Variants in PARD3B observed in about 807,000 individuals in gnomAD.
The protein encoded by PARD3B is partitioning defective 3 homolog B.
Under a neutral mutation model 130.2 loss-of-function variants are expected in PARD3B, and 103 were observed. The ratio of observed to expected loss-of-function variants is 0.79; its 90% CI spans 0.67 to 0.93. The LOEUF (loss-of-function observed/expected upper bound fraction) is 0.93. Among genes scored for constraint, PARD3B ranks in the 40% least tolerant of loss-of-function variants. PARD3B has a pLI of 0.00. For synonymous variants in PARD3B, 583 were observed against 553.2 expected, an observed-to-expected ratio of 1.05 and a Z score of -0.76; for missense variants, 1,609 against 1,499.2, an observed-to-expected ratio of 1.07 and a Z score of -1.21.
chr2:205,487,388 C>A (rs150002877), intron 20 of PARD3B, among the ~76,000 whole-genome samples: 1 of 152,160 alleles, frequency 6.6e-6, no homozygotes, highest in East Asian at 1.9e-4. Context: ...AATCTACTGA[C>A]GTTTTGTTAT....
intron 20 of PARD3B, among the ~76,000 whole-genome samples, chr2:205,477,340 T>C (rs1025679739): frequency 3.3e-5 from 5 of 152,188 alleles, no homozygotes; most frequent in Non-Finnish European, 7.3e-5. Context: ...GAAGCATTCC[T>C]CCTGAATTTT....
Position 205,569,510 on chromosome 2 carries a change from A to G in PARD3B, c.3260+16107A>G, listed in dbSNP as rs575931510. 2.6e-5 allele frequency among the ~76,000 whole-genome samples: 4 copies of G among 152,324 alleles called. No individual in the cohort carries two copies. In the East Asian group the frequency reaches 7.7e-4, roughly 29 times the overall value. ...TTTGAACATCCATGTCATTTTAAGT[A>G]GTAATGTGATTTTGTAATATAGTTT... On this transcript the variant is annotated intron_variant, in intron 22 of 22. Transcript: ENST00000406610.
At chr2:205,249,155 A>ATAAGGAAAATCATAAT (rs1159330167) in intron 16 of PARD3B, among the ~76,000 whole-genome samples, 2 of 148,984 alleles carry the variant, frequency 1.3e-5, no homozygotes, top group Non-Finnish European at 3.0e-5. Flanking sequence ...GATTACAGGC[A>ATAAGGAAAATCATAAT]TGTGTGTGGT....
At chr2:205,285,951 G>A (rs1207420) in intron 16 of PARD3B, among the ~76,000 whole-genome samples, 127,295 of 152,052 alleles carry the variant, frequency 0.84, 53,517 homozygotes, top group South Asian at 0.9. Flanking sequence ...AACATATTAC[G>A]TGTATATAGA....
chr2:204,844,370 G>T (rs879535191), intron 2 of PARD3B, among the ~76,000 whole-genome samples: 1 of 152,036 alleles, frequency 6.6e-6, no homozygotes, highest in African/African-American at 2.4e-5. Context: ...GCCATTTAAA[G>T]TTGATTAGCA....
At chr2:205,126,014 T>C (rs1329324683) in intron 10 of PARD3B, among the ~76,000 whole-genome samples, 1 of 152,172 alleles carries the variant, frequency 6.6e-6, no homozygotes, top group East Asian at 1.9e-4. Context: ...ATAAAATATA[T>C]ATTGAATATG....
At chr2:205,567,497 TA>T (rs1559224791) in intron 22 of PARD3B, among the ~76,000 whole-genome samples, 5 of 140,344 alleles carry the variant, frequency 3.6e-5, no homozygotes, top group Admixed American at 7.1e-5. Context: ...TTTTTTTTTG[TA>T]TTTTTAGTGG....
chr2:204,775,460 T>C (rs1346929023), intron 2 of PARD3B, among the ~76,000 whole-genome samples: 1 of 152,166 alleles, frequency 6.6e-6, no homozygotes, highest in Non-Finnish European at 1.5e-5. Context: ...GTGAATCCTC[T>C]TAATCCTATT....
intron 19 of PARD3B, among the ~76,000 whole-genome samples, chr2:205,434,818 G>A (rs1277760686): frequency 6.6e-6 from 1 of 151,524 alleles, no homozygotes; most frequent in African/African-American, 2.4e-5. Context: ...TTTGGTACAG[G>A]GTATTTAATG....
intron 1 of PARD3B, among the ~76,000 whole-genome samples, chr2:204,591,495 TG>T: frequency 6.6e-6 from 1 of 152,354 alleles, no homozygotes. Flanking sequence ...TGATTATAAG[TG>T]TCTCTTTCTC....
chr2:204,700,377 A>G (rs913052631), intron 2 of PARD3B, among the ~76,000 whole-genome samples: 2 of 152,122 alleles, frequency 1.3e-5, no homozygotes, highest in Non-Finnish European at 2.9e-5. Context: ...AATTTTGTAC[A>G]GTGAAAATAA....
At chr2:204,949,443 A>G (rs920960941) in intron 2 of PARD3B, among the ~76,000 whole-genome samples, 20 of 151,812 alleles carry the variant, frequency 1.3e-4, no homozygotes, top group South Asian at 4.2e-4. Context: ...TCAGCCTCCC[A>G]AGTAGCTGGG....
intron 1 of PARD3B, among the ~76,000 whole-genome samples, chr2:204,568,324 G>T (rs921828924): frequency 1.3e-5 from 2 of 152,130 alleles, no homozygotes; most frequent in African/African-American, 4.8e-5. Context: ...CTACAACAAA[G>T]ATTTTATTTA....
chr2:205,006,419 T>A (rs1359002556), intron 3 of PARD3B, among the ~76,000 whole-genome samples: 1 of 152,190 alleles, frequency 6.6e-6, no homozygotes, highest in Non-Finnish European at 1.5e-5. Context: ...AATTTACATT[T>A]CCACCAGCAA....
intron 15 of PARD3B, among the ~76,000 whole-genome samples, chr2:205,233,033 A>G (rs2038914890): frequency 6.6e-6 from 1 of 152,172 alleles, no homozygotes; most frequent in African/African-American, 2.4e-5. Flanking sequence ...ATGAATCTCA[A>G]ATGAACCTCT....
chr2:204,573,988 G>A (rs2032131509), intron 1 of PARD3B, among the ~76,000 whole-genome samples: 1 of 152,194 alleles, frequency 6.6e-6, no homozygotes, highest in Non-Finnish European at 1.5e-5. Context: ...AGGTTGGCCA[G>A]CTAGGTAGGC....
Position 204,669,762 on chromosome 2 carries a change from A to C in PARD3B, c.121-16419A>C, listed in dbSNP as rs982578179. Among the ~76,000 whole-genome samples, 2 of 152,192 alleles carry C rather than the reference A, an allele frequency of 1.3e-5. No homozygotes were observed. Among genetic ancestry groups the C allele is most frequent in the African/African-American group, 4.8e-5 (2 of 41,454 alleles). On this transcript the variant is annotated intron_variant, in intron 1 of 22. Transcript: ENST00000406610. The surrounding 1 kb of genome is among the most constrained non-coding windows in gnomAD (Gnocchi z 4.3). ...ATAAAAGTAAAGGTAGAGCCGACAG[A>C]AATGGGAAGGGAAGGGGTGGAAGGT... is the stretch of plus-strand genomic sequence containing the variant.
chr2:205,058,257 C>G (rs1016645903), intron 4 of PARD3B, among the ~76,000 whole-genome samples: 2 of 151,876 alleles, frequency 1.3e-5, no homozygotes, highest in African/African-American at 4.8e-5. Flanking sequence ...TAGCATATGT[C>G]AGAATTTCCT....
chr2:204,612,480 A>G (rs2033963989), intron 1 of PARD3B, among the ~76,000 whole-genome samples: 1 of 152,194 alleles, frequency 6.6e-6, no homozygotes, highest in Admixed American at 6.5e-5. Context: ...GAAATTCTCA[A>G]AATTTACAAA....
Sources: allele counts gnomAD v4.1 joint callset (sites outside exome capture counted in the v4.1 genomes callset), GRCh38; gene constraint gnomAD v4.1.1; non-coding constraint Gnocchi (gnomAD v3.1); transcripts MANE v1.5; gene names NCBI Gene and HGNC (gene_info 2026-07-23, HGNC 2026-07-21).